Variants in ADGRL3 observed in about 807,000 individuals in gnomAD.
The protein encoded by ADGRL3 is adhesion G protein-coupled receptor L3.
In ADGRL3, 62 loss-of-function variants were observed where a neutral mutation model predicts 153.5. The ratio of observed to expected loss-of-function variants is 0.40; its 90% CI spans 0.33 to 0.50. The LOEUF is 0.50. ADGRL3 is among the 20% of genes least tolerant of loss of function. The pLI is 0.47. For synonymous variants in ADGRL3, 710 were observed against 672.5 expected, an observed-to-expected ratio of 1.06 and a Z score of -0.86; for missense variants, 1,641 against 1,859.4, an observed-to-expected ratio of 0.88 and a Z score of 2.16.
intron 2 of ADGRL3, among the ~76,000 whole-genome samples, chr4:61,477,143 T>G (rs2098073521): frequency 6.6e-6 from 1 of 152,102 alleles, no homozygotes; most frequent in African/African-American, 2.4e-5. Context: ...AAACTTAATT[T>G]CAGCCATAGT....
rs190557686 is a variant in ADGRL3, at chr4:61,402,926, G to A, written c.-174+19737G>A. The stretch of plus-strand genomic sequence containing the variant: ...GCCATTGTTTAGGTGGCTTAAAAAC[G>A]GTAGTTTATTTTCCTACATTTCTGG... On this transcript the variant is annotated intron_variant, in intron 2 of 26. Coordinates refer to ENST00000683033, the MANE Select transcript of ADGRL3 (RefSeq NM_001387552.1). 1.7e-3 allele frequency among the ~76,000 whole-genome samples: 252 copies of A among 151,928 alleles called. 1 individual carries two copies. Among genetic ancestry groups the A allele is most frequent in the African/African-American group, 5.8e-3 (241 of 41,440 alleles).
At chr4:61,474,473 C>T (rs532210640) in intron 2 of ADGRL3, among the ~76,000 whole-genome samples, 1 of 151,982 alleles carries the variant, frequency 6.6e-6, no homozygotes. Flanking sequence ...TTATTCACAG[C>T]ATTTGTTTAG....
chr4:62,051,115 ATGTGTATATATATG>A (rs1273726504), intron 25 of ADGRL3, among the ~76,000 whole-genome samples: 2 of 147,674 alleles, frequency 1.4e-5, no homozygotes, highest in African/African-American at 5.0e-5. Context: ...TACAAAGAAT[ATGTGTATATATATG>A]TGTGTATATA....
At chr4:61,575,526 T>C (rs945798619) in intron 4 of ADGRL3, among the ~76,000 whole-genome samples, 1 of 152,060 alleles carries the variant, frequency 6.6e-6, no homozygotes, top group South Asian at 2.1e-4. Context: ...AAATGTTATG[T>C]ATTTATTGAT....
chr4:62,049,684 G>C (rs940108385), intron 25 of ADGRL3, among the ~76,000 whole-genome samples: 1 of 152,144 alleles, frequency 6.6e-6, no homozygotes, highest in Non-Finnish European at 1.5e-5. Flanking sequence ...GACCCCACCT[G>C]TTAGGAGTAT....
At chr4:61,752,888 T>G (rs964762378) in intron 8 of ADGRL3, among the ~76,000 whole-genome samples, 1 of 152,084 alleles carries the variant, frequency 6.6e-6, no homozygotes, top group Non-Finnish European at 1.5e-5. Flanking sequence ...GAGCCAAGAT[T>G]GCTGTACTGC....
chr4:61,553,113 G>A (rs1445019782), intron 4 of ADGRL3, among the ~76,000 whole-genome samples: 1 of 152,164 alleles, frequency 6.6e-6, no homozygotes, highest in Non-Finnish European at 1.5e-5. Context: ...AATAAGCATA[G>A]TTCGTAGGTA....
intron 1 of ADGRL3, among the ~76,000 whole-genome samples, chr4:61,373,467 A>T (rs1201705720): frequency 6.6e-6 from 1 of 152,200 alleles, no homozygotes; most frequent in Admixed American, 6.5e-5. Context: ...TTTCATTGTT[A>T]AGGGGGAAAG....
chr4:61,442,798 C>T (rs557580671), intron 2 of ADGRL3, among the ~76,000 whole-genome samples: 19 of 151,976 alleles, frequency 1.3e-4, no homozygotes, highest in African/African-American at 2.2e-4. Context: ...TATGATTATG[C>T]ACCTTAATAA....
chr4:61,907,244 T>C (rs1412156373), intron 11 of ADGRL3, among the ~76,000 whole-genome samples: 1 of 151,982 alleles, frequency 6.6e-6, no homozygotes, highest in Non-Finnish European at 1.5e-5. Context: ...CTTGTATATA[T>C]TTTTTCTATT....
intron 8 of ADGRL3, among the ~76,000 whole-genome samples, chr4:61,792,496 A>AAT (rs552943942): frequency 8.6e-6 from 1 of 115,756 alleles, no homozygotes; most frequent in African/African-American, 3.3e-5. Flanking sequence ...TTATTTTATT[A>AAT]TTTTTTTTTT....
intron 1 of ADGRL3, chr4:61,212,031 C>A (rs1740274335): frequency 6.6e-6 from 1 of 152,136 alleles, no homozygotes; most frequent in Admixed American, 6.6e-5. Flanking sequence ...TGAACAAAAT[C>A]CCCAAGATGT....
rs79721170 is a variant in ADGRL3 at position 61,406,286 on chromosome 4, A to G, written c.-174+23097A>G. Among the ~76,000 whole-genome samples, 1,320 of 152,024 alleles carry G rather than the reference A, an allele frequency of 8.7e-3. 18 individuals carry two copies. Among genetic ancestry groups the G allele is most frequent in the African/African-American group, 0.03 (1,242 of 41,522 alleles). The stretch of plus-strand genomic sequence containing the variant: ...GTGCCATACAATAAAGCTTCCATCT[A>G]TTTGGCTGTAGTGTAGTGTAACTTT... On this transcript the variant is annotated intron_variant, in intron 2 of 26. Coordinates refer to ENST00000683033, the MANE Select transcript of ADGRL3 (RefSeq NM_001387552.1).
intron 24 of ADGRL3, among the ~76,000 whole-genome samples, chr4:62,039,972 A>G (rs1582013378): frequency 1.3e-5 from 2 of 152,268 alleles, no homozygotes; most frequent in South Asian, 2.1e-4. Context: ...ATGTTTAGCA[A>G]TACTTCTAAA....
At chr4:61,964,055 A>G (rs1169308292) in intron 17 of ADGRL3, among the ~76,000 whole-genome samples, 4 of 152,200 alleles carry the variant, frequency 2.6e-5, no homozygotes, top group African/African-American at 4.8e-5. Context: ...TGTCATCACA[A>G]TTCTTTATTT....
chr4:61,404,795 A>G (rs2096973109), intron 2 of ADGRL3, among the ~76,000 whole-genome samples: 1 of 152,102 alleles, frequency 6.6e-6, no homozygotes, highest in Non-Finnish European at 1.5e-5. Context: ...TCAATAATCA[A>G]GTCAAAAAGT....
At chr4:61,226,990 AT>A (rs1478940228) in intron 1 of ADGRL3, among the ~76,000 whole-genome samples, 3 of 151,362 alleles carry the variant, frequency 2.0e-5, no homozygotes, top group African/African-American at 7.3e-5. Context: ...TTAGAATGTA[AT>A]TTTTTAGTAA....
chr4:61,831,067 C>G (rs1405793299), intron 9 of ADGRL3, among the ~76,000 whole-genome samples: 1 of 150,426 alleles, frequency 6.6e-6, no homozygotes, highest in African/African-American at 2.4e-5. Flanking sequence ...TTTTGTATTT[C>G]TAGTAGAGAC....
chr4:61,452,853 G>T (rs956576561), intron 2 of ADGRL3, among the ~76,000 whole-genome samples: 1 of 151,890 alleles, frequency 6.6e-6, no homozygotes, highest in Non-Finnish European at 1.5e-5. Flanking sequence ...ATGTAAAATG[G>T]CTTGGTAATT....
Sources: gnomAD v4.1 joint callset for allele counts (sites outside exome capture counted in the v4.1 genomes callset) on GRCh38, gnomAD v4.1.1 for gene constraint, MANE v1.5 for transcripts, NCBI Gene and HGNC (gene_info 2026-07-23, HGNC 2026-07-21) for gene names.